Variants in SRC observed in about 807,000 individuals in gnomAD.
The protein encoded by SRC is proto-oncogene tyrosine-protein kinase Src.
SRC carries 13 observed loss-of-function variants against 62.9 expected under a neutral mutation model. That is an observed-to-expected ratio of 0.21 (90% CI 0.13 to 0.33). The LOEUF (loss-of-function observed/expected upper bound fraction) is 0.33, where lower values mean the gene tolerates loss of function less well. SRC is among the 10% of genes least tolerant of loss of function. SRC has a pLI of 1.00. For synonymous variants in SRC, 302 were observed against 317.5 expected (o/e 0.95, Z 0.52); for missense variants, 457 against 737.3 (o/e 0.62, Z 4.40).
intron 5 of SRC, among the ~76,000 whole-genome samples, chr20:37,393,515 G>A (rs2070587225): frequency 6.6e-6 from 1 of 152,210 alleles, no homozygotes; most frequent in African/African-American, 2.4e-5. Flanking sequence ...CGCAGAGACA[G>A]GGGGTTCCCT....
chr20:37,360,139 C>A (rs1341745197), intron 1 of SRC, among the ~76,000 whole-genome samples: 2 of 150,448 alleles, frequency 1.3e-5, no homozygotes, highest in Non-Finnish European at 3.0e-5. Context: ...AAGACAAGGA[C>A]TCTTGTGTTT....
intron 5 of SRC, among the ~76,000 whole-genome samples, chr20:37,387,189 A>G (rs1420372072): frequency 6.6e-6 from 1 of 152,218 alleles, no homozygotes; most frequent in African/African-American, 2.4e-5. Context: ...TGGCTTGCTC[A>G]TGCCCCACTT....
At position 37,384,176 on chromosome 20, in the gene SRC, C is replaced by T; in HGVS notation, c.23C>T (p.Pro8Leu). The change falls in exon 4 of 14, where the codon CCC becomes CTC. Residue 8 changes from proline to leucine, a missense_variant. Physicochemically the swap from Pro to Leu is moderately conservative, Grantham distance 98. Around this residue, in one of 4 missense-constraint regions of SRC, gnomAD observed 132 missense variants for 135.4 expected, o/e 0.98. Transcript: ENST00000373578. The surrounding 1 kb of genome is among the most constrained non-coding windows in gnomAD (Gnocchi z 6.7). MGSNKSKPKDASQRRRSL... is the reference protein window; with the variant it reads MGSNKSKLKDASQRRRSL... ...ACCATGGGTAGCAACAAGAGCAAGCCCAAGGATGCCAGCCAGCGGCGCCGC... is the reference window on the plus strand; with the variant it reads ...ACCATGGGTAGCAACAAGAGCAAGCTCAAGGATGCCAGCCAGCGGCGCCGC... The T allele has an allele frequency of 6.2e-7, 1 of 1,600,012 alleles. No homozygotes were observed. The highest frequency in any genetic ancestry group is 8.5e-7 in the Non-Finnish European group (1 of 1,176,700).
chr20:37,352,455 G>A (rs2146896942), intron 1 of SRC, among the ~76,000 whole-genome samples: 1 of 152,296 alleles, frequency 6.6e-6, no homozygotes, highest in African/African-American at 2.4e-5. Context: ...TTGGTGACTG[G>A]ATTGATTGGA....
chr20:37,401,628 G>A lies in SRC; in HGVS notation c.1066G>A (p.Glu356Lys). The stretch of plus-strand genomic sequence containing the variant: ...GAGTTTGCTGGACTTTCTCAAGGGG[G>A]AGACAGGCAAGTACCTGCGGCTGCC... ...KGSLLDFLKG[E>K]TGKYLRLPQL... The change falls in exon 11 of 14, where the codon GAG becomes AAG. Residue 356 changes from glutamate to lysine, a missense_variant. Physicochemically the swap from Glu to Lys is moderately conservative, Grantham distance 56. Transcript: ENST00000373578. The A allele has an allele frequency of 3.1e-6, 5 of 1,611,088 alleles. No individual in the cohort carries two copies. Among genetic ancestry groups the A allele is most frequent in the East Asian group, 2.3e-5 (1 of 44,412 alleles).
intron 2 of SRC, among the ~76,000 whole-genome samples, chr20:37,376,034 C>G (rs1309757708): frequency 6.6e-6 from 1 of 152,226 alleles, no homozygotes; most frequent in African/African-American, 2.4e-5. Context: ...AGGCCCACCT[C>G]CAAACACCAC....
At chr20:37,381,886 G>T (rs2070369647) in intron 2 of SRC, among the ~76,000 whole-genome samples, 1 of 152,130 alleles carries the variant, frequency 6.6e-6, no homozygotes, top group Admixed American at 6.5e-5. Context: ...TCTTCAGCAG[G>T]TCTCCCCAGG....
At position 37,397,993 on chromosome 20, in the gene SRC, G is replaced by A. The variant is rs1232731611; in HGVS notation, c.859+139G>A. On this transcript the variant is annotated intron_variant, in intron 9 of 13. Transcript: ENST00000373578. This position sits in a 1 kb window ranked among gnomAD's most constrained non-coding sequence, Gnocchi z 4.1. The stretch of plus-strand genomic sequence containing the variant: ...GTTGTAAATCTGGAGCTCCCCAGCG[G>A]TGGCTGGCACCGAGTTGGGTTGTGG... The A allele has an allele frequency of 3.4e-6, 4 of 1,175,068 alleles. No individual in the cohort carries two copies. Among genetic ancestry groups the A allele is most frequent in the Non-Finnish European group, 4.7e-6 (4 of 856,808 alleles). 72.8% of individuals were successfully genotyped at this position (1,175,068 alleles called of 1,614,324 possible). A position where few individuals can be genotyped will look rare whatever the true frequency, so the allele number is the denominator to read the frequency against.
chr20:37,364,591 G>A (rs953110275), intron 1 of SRC, among the ~76,000 whole-genome samples: 6 of 152,120 alleles, frequency 3.9e-5, no homozygotes, highest in Admixed American at 3.3e-4. Flanking sequence ...CAGAAATTGG[G>A]AACCTGCTGT....
Position 37,394,285 on chromosome 20 carries a change from C to T in SRC, c.553+8C>T, listed in dbSNP as rs374488930. 411 of 1,612,214 alleles carry T rather than the reference C, an allele frequency of 2.5e-4. 3 individuals are homozygous for T. Among genetic ancestry groups the T allele is most frequent in the Non-Finnish European group, 1.4e-4 (162 of 1,178,744 alleles). On this transcript the variant is annotated splice_region_variant and intron_variant, in intron 7 of 13. Coordinates refer to ENST00000373578, the MANE Select transcript of SRC (RefSeq NM_198291.3). Reference sequence around the variant, plus strand: ...AAAGTGAGACCACGAAAGGTACGAGCGCTCTTGCTGGCCAACGGATACTGA... The same window carrying T: ...AAAGTGAGACCACGAAAGGTACGAGTGCTCTTGCTGGCCAACGGATACTGA...
chr20:37,402,738 C>G lies in SRC; in HGVS notation c.1271-11C>G. The G allele has an allele frequency of 6.2e-7, 1 of 1,607,118 alleles. No homozygotes were observed. The highest frequency in any genetic ancestry group is 8.5e-7 in the Non-Finnish European group (1 of 1,176,048). On this transcript the variant is annotated splice_polypyrimidine_tract_variant and intron_variant, in intron 12 of 13. Coordinates refer to ENST00000373578, the MANE Select transcript of SRC (RefSeq NM_198291.3). The surrounding 1 kb of genome is among the most constrained non-coding windows in gnomAD (Gnocchi z 6.2). Reference sequence around the variant, plus strand: ...AGGTCAGAGCTGCCCTGACCTTTCTCGTTCCTGCAGGTGCCAAATTCCCCA... The same window carrying G: ...AGGTCAGAGCTGCCCTGACCTTTCTGGTTCCTGCAGGTGCCAAATTCCCCA...
At position 37,388,907 on chromosome 20, in the gene SRC, G is replaced by A. The variant is rs150824160; in HGVS notation, c.350+2733G>A. ...ATCCCGGGGACCCGCCTGCATGCAC[G>A]TCCTTCCTCCATCAGTGCTCAGGGC... On this transcript the variant is annotated intron_variant, in intron 5 of 13. Transcript: ENST00000373578. Among the ~76,000 whole-genome samples the A allele has an allele frequency of 4.3e-4, 65 of 152,216 alleles. No homozygotes were observed. The East Asian group carries it at 5.8e-3, about 14-fold the overall frequency.
At chr20:37,393,862 T>C in intron 5 of SRC, 33 bp from the exon 6 acceptor site, 1 of 1,556,070 alleles carries the variant, frequency 6.4e-7, no homozygotes. Flanking sequence ...ACGGCTCCCT[T>C]CTCCTTTCCT....
chr20:37,375,237 CTT>C (rs113896638), intron 2 of SRC, among the ~76,000 whole-genome samples: 2 of 139,362 alleles, frequency 1.4e-5, no homozygotes. Flanking sequence ...GGCCTCTTTC[CTT>C]TTTTTTTTTT....
At chr20:37,381,221 G>T (rs2070361597) in intron 2 of SRC, among the ~76,000 whole-genome samples, 1 of 152,124 alleles carries the variant, frequency 6.6e-6, no homozygotes, top group African/African-American at 2.4e-5. Context: ...CGTCTTAAAG[G>T]TCCCTGTTAT....
At chr20:37,366,483 A>G (rs1007358858) in intron 2 of SRC, among the ~76,000 whole-genome samples, 3 of 152,208 alleles carry the variant, frequency 2.0e-5, no homozygotes, top group Non-Finnish European at 4.4e-5. Context: ...GAACATTTTC[A>G]TTACTCCAGA....
At chr20:37,349,572 G>A (rs1283580710) in intron 1 of SRC, among the ~76,000 whole-genome samples, 1 of 152,258 alleles carries the variant, frequency 6.6e-6, no homozygotes, top group Non-Finnish European at 1.5e-5. Context: ...TGTGTGCCCA[G>A]TGTCTGGCAC....
intron 1 of SRC, among the ~76,000 whole-genome samples, chr20:37,353,670 A>G (rs1360611290): frequency 6.6e-6 from 1 of 152,200 alleles, no homozygotes; most frequent in East Asian, 1.9e-4. Flanking sequence ...GAGGAAGCTC[A>G]GGAGCCAGGG....
At chr20:37,387,343 C>T (rs958887991) in intron 5 of SRC, among the ~76,000 whole-genome samples, 3 of 152,168 alleles carry the variant, frequency 2.0e-5, no homozygotes, top group Non-Finnish European at 4.4e-5. Flanking sequence ...CCATGCCAGT[C>T]GTCTCCACCT....
Sources: allele counts gnomAD v4.1 joint callset (sites outside exome capture counted in the v4.1 genomes callset), GRCh38; gene constraint gnomAD v4.1.1; regional missense constraint gnomAD v4.1.1; non-coding constraint Gnocchi (gnomAD v3.1); transcripts MANE v1.5; gene names NCBI Gene and HGNC (gene_info 2026-07-23, HGNC 2026-07-21).